Variants in CDCA7L observed in about 807,000 individuals in gnomAD.
CDCA7L encodes the protein cell division cycle associated 7 like, also known as cell division cycle-associated 7-like protein.
CDCA7L carries 44 observed loss-of-function variants against 57.4 expected under a neutral mutation model. The ratio of observed to expected loss-of-function variants is 0.77; its 90% confidence interval spans 0.60 to 0.98. The LOEUF (loss-of-function observed/expected upper bound fraction) is 0.98, where lower values mean the gene tolerates loss of function less well. CDCA7L is among the 50% of genes least tolerant of loss of function. CDCA7L has a pLI of 0.00. For missense variants in CDCA7L, 644 were observed against 580.6 expected (o/e 1.11, Z -1.12); for synonymous variants, 236 against 202.8 (o/e 1.16, Z -1.39).
chr7:21,939,130 G>A (rs1271540258), intron 1 of CDCA7L, among the ~76,000 whole-genome samples: 1 of 152,196 alleles, frequency 6.6e-6, no homozygotes, highest in Non-Finnish European at 1.5e-5. Flanking sequence ...CCACTCATAT[G>A]AGATACCTAG....
intron 1 of CDCA7L, among the ~76,000 whole-genome samples, chr7:21,919,846 T>TCTAG (rs1275843348): frequency 1.3e-5 from 2 of 152,214 alleles, no homozygotes; most frequent in African/African-American, 4.8e-5. Context: ...TGCAGTTCTT[T>TCTAG]CTAGCCCTGG....
intron 7 of CDCA7L, among the ~76,000 whole-genome samples, 184 bp downstream of exon 7, chr7:21,905,322 G>A (rs1406342056): frequency 6.6e-6 from 1 of 152,034 alleles, no homozygotes; most frequent in East Asian, 1.9e-4. Context: ...CGTCCAGATG[G>A]GAATTACTGC....
chr7:21,916,970 G>A (rs1004501053), intron 1 of CDCA7L, 76 bp from the exon 2 acceptor site: 21 of 1,544,664 alleles, frequency 1.4e-5, no homozygotes, highest in Admixed American at 1.7e-5. Flanking sequence ...CTGGAGGGGA[G>A]GAGAGATCTC....
At chr7:21,945,571 A>C (rs1032556299) in intron 1 of CDCA7L, among the ~76,000 whole-genome samples, 1 of 151,844 alleles carries the variant, frequency 6.6e-6, no homozygotes, top group African/African-American at 2.4e-5. Flanking sequence ...TGCTGGGGCG[A>C]CCGGCCTCTG....
At chr7:21,934,956 GCAA>G (rs1786120466) in intron 1 of CDCA7L, among the ~76,000 whole-genome samples, 1 of 152,116 alleles carries the variant, frequency 6.6e-6, no homozygotes, top group Non-Finnish European at 1.5e-5. Flanking sequence ...AGACTGTTCT[GCAA>G]CAACAGATAG....
At chr7:21,902,561 AC>A (rs1784953713) in intron 9 of CDCA7L, 1 of 504,894 alleles carries the variant, frequency 2.0e-6, no homozygotes, top group African/African-American at 2.1e-5. Flanking sequence ...GCATTCCAGA[AC>A]CACGATTCAG....
chr7:21,926,954 G>A (rs1785850154), intron 1 of CDCA7L, among the ~76,000 whole-genome samples: 4 of 152,106 alleles, frequency 2.6e-5, no homozygotes, highest in African/African-American at 4.8e-5. Context: ...ACAGGTCCAG[G>A]CAAGACAGTA....
Position 21,911,652 on chromosome 7 carries a change from T to C in CDCA7L, c.268A>G (p.Ser90Gly), listed in dbSNP as rs755636513. The C allele has an allele frequency of 1.2e-6, 2 of 1,613,760 alleles. No individual in the cohort carries two copies. Among genetic ancestry groups the C allele is most frequent in the Admixed American group, 3.3e-5 (2 of 59,990 alleles). ...ETEDFAGFTQ[S>G]DLNGKTNPEV... ...GGGTTAGTCTTTCCATTCAGATCAC[T>C]CTGCGTAAATCCTGCAAAATCCTCA... Residue 90 changes from serine (S) to glycine (G), a missense_variant, in exon 3 of 10, where the codon AGT (serine) becomes GGT (glycine). Coordinates refer to ENST00000406877, the MANE Select transcript of CDCA7L (RefSeq NM_018719.5).
intron 7 of CDCA7L, among the ~76,000 whole-genome samples, chr7:21,905,003 T>G (rs1785092979): frequency 6.6e-6 from 1 of 152,176 alleles, no homozygotes; most frequent in Admixed American, 6.5e-5. Context: ...AGATCTATTT[T>G]TTTTTAAATA....
At chr7:21,918,118 A>G (rs1053182236) in intron 1 of CDCA7L, among the ~76,000 whole-genome samples, 14 of 152,332 alleles carry the variant, frequency 9.2e-5, no homozygotes, top group African/African-American at 3.1e-4. Context: ...TACATAGGTG[A>G]CATGTACTCC....
intron 1 of CDCA7L, chr7:21,940,295 A>C (rs1786298856): frequency 1.0e-6 from 1 of 984,988 alleles, no homozygotes. Context: ...GATGACTTCC[A>C]AACTATGCCT....
Position 21,904,954 on chromosome 7 carries a change from C to A in CDCA7L, c.1047+552G>T, listed in dbSNP as rs145799492. Among the ~76,000 whole-genome samples, 42 of 152,314 alleles carry A rather than the reference C, an allele frequency of 2.8e-4. No homozygotes were observed. The East Asian group carries it at 8.1e-3, about 29-fold the overall frequency. ...TGAGCCTTGGGTGGCATCACCTCGG[C>A]CCCAGCCTAGCTCTGCAGACCTGGA... On this transcript the variant is annotated intron_variant, in intron 7 of 9. Coordinates refer to ENST00000406877, the MANE Select transcript of CDCA7L (RefSeq NM_018719.5).
chr7:21,909,381 T>C (rs1785241855), intron 3 of CDCA7L, among the ~76,000 whole-genome samples: 1 of 151,988 alleles, frequency 6.6e-6, no homozygotes, highest in South Asian at 2.1e-4. Flanking sequence ...TGGGAACCAT[T>C]ATCTGGGAAT....
intron 8 of CDCA7L, 93 bp downstream of exon 8, chr7:21,904,017 T>G: frequency 8.3e-7 from 1 of 1,199,422 alleles, no homozygotes; most frequent in Non-Finnish European, 1.1e-6. Context: ...GTTCTGGAGC[T>G]CCCTAGTTCC....
intron 1 of CDCA7L, among the ~76,000 whole-genome samples, chr7:21,929,194 C>T (rs1271492024): frequency 6.6e-6 from 1 of 152,154 alleles, no homozygotes; most frequent in Admixed American, 6.5e-5. Context: ...AATTTCATAT[C>T]CAGCCAAACT....
chr7:21,944,449 CAAAAAAAAAA>C lies in CDCA7L; in HGVS notation c.24+1322_24+1331del, dbSNP rs59373889. 4.1e-4 allele frequency among the ~76,000 whole-genome samples: 25 copies of C among 61,638 alleles called. 1 individual carries two copies. The highest frequency in any genetic ancestry group is 0.011 in the Middle Eastern group (1 of 94). The allele number at this position is 61,638 out of a possible 152,430, so 40.4% of individuals were successfully genotyped here. On this transcript the variant is annotated intron_variant, in intron 1 of 9. Coordinates refer to ENST00000406877, the MANE Select transcript of CDCA7L (RefSeq NM_018719.5). Reference sequence around the variant, plus strand: ...CCGGACAAGAGCGAAACTCCGTCTCCAAAAAAAAAAAAAAAAAAAAAAGGATGCTAATACA... The same window carrying C: ...CCGGACAAGAGCGAAACTCCGTCTCCAAAAAAAAAAAAGGATGCTAATACA...
intron 1 of CDCA7L, among the ~76,000 whole-genome samples, chr7:21,927,931 C>G (rs1014155213): frequency 6.6e-6 from 1 of 152,230 alleles, no homozygotes; most frequent in South Asian, 2.1e-4. Flanking sequence ...TCTAAAGGAG[C>G]AGCAGATCTC....
At chr7:21,942,825 G>A (rs1455615782) in intron 1 of CDCA7L, among the ~76,000 whole-genome samples, 1 of 152,160 alleles carries the variant, frequency 6.6e-6, no homozygotes, top group Non-Finnish European at 1.5e-5. Context: ...GCAAATCATT[G>A]TCCTTTCTGT....
chr7:21,943,339 T>G lies in CDCA7L; in HGVS notation c.24+2442A>C, dbSNP rs184119942. ...CTTGTTTGCTTCTTACTCATAACATTAGGCCTAAGCTGCTTTGCTGAAACA... is the reference window on the plus strand; with the variant it reads ...CTTGTTTGCTTCTTACTCATAACATGAGGCCTAAGCTGCTTTGCTGAAACA... On this transcript the variant is annotated intron_variant, in intron 1 of 9. Coordinates refer to ENST00000406877, the MANE Select transcript of CDCA7L (RefSeq NM_018719.5). Among the ~76,000 whole-genome samples the G allele has an allele frequency of 2.1e-3, 315 of 152,352 alleles. 1 individual carries two copies. Among genetic ancestry groups the G allele is most frequent in the African/African-American group, 7.1e-3 (297 of 41,580 alleles).
Sources: allele counts gnomAD v4.1 joint callset (sites outside exome capture counted in the v4.1 genomes callset), GRCh38; gene constraint gnomAD v4.1.1; transcripts MANE v1.5; gene names NCBI Gene and HGNC (gene_info 2026-07-23, HGNC 2026-07-21).